LTBP1: variants seen among roughly 807,000 people sequenced by gnomAD.
The protein encoded by LTBP1 is latent-transforming growth factor beta-binding protein 1.
In LTBP1, 129 loss-of-function variants were observed where a neutral mutation model predicts 207.6. The ratio of observed to expected loss-of-function variants is 0.62; its 90% CI spans 0.54 to 0.72. The LOEUF (loss-of-function observed/expected upper bound fraction) is 0.72, where lower values mean the gene tolerates loss of function less well. Among genes scored for constraint, LTBP1 ranks in the 30% least tolerant of loss-of-function variants. LTBP1 has a pLI of 0.00. For missense variants in LTBP1, 2,281 were observed against 2,217.2 expected (o/e 1.03, Z -0.58); for synonymous variants, 963 against 833.7 (o/e 1.16, Z -2.67).
intron 6 of LTBP1, among the ~76,000 whole-genome samples, chr2:33,187,420 C>G (rs1439940817): frequency 6.6e-6 from 1 of 152,198 alleles, no homozygotes. Context: ...CTGGCCCTTA[C>G]AGCATTAATA....
At chr2:33,184,623 T>A (rs2148766641) in intron 5 of LTBP1, among the ~76,000 whole-genome samples, 2 of 152,328 alleles carry the variant, frequency 1.3e-5, no homozygotes, top group East Asian at 3.9e-4. Flanking sequence ...CAGTTACCGC[T>A]TATTTGCTGA....
intron 5 of LTBP1, among the ~76,000 whole-genome samples, chr2:33,175,052 C>T (rs190328445): frequency 6.6e-6 from 1 of 152,258 alleles, no homozygotes; most frequent in Admixed American, 6.5e-5. Context: ...ACCATAGAAA[C>T]CCTAGAAGAA....
chr2:33,101,902 TG>T (rs1419115216), intron 3 of LTBP1, among the ~76,000 whole-genome samples: 2 of 152,208 alleles, frequency 1.3e-5, no homozygotes, highest in Admixed American at 1.3e-4. Flanking sequence ...CGGTGTACTG[TG>T]CTTTTCAGAA....
At chr2:33,366,746 G>A (rs756982876) in intron 31 of LTBP1, among the ~76,000 whole-genome samples, 5 of 152,226 alleles carry the variant, frequency 3.3e-5, no homozygotes, top group Non-Finnish European at 7.3e-5. Context: ...GATGTAGGTA[G>A]AGCAGGGGGT....
chr2:33,262,750 C>G lies in LTBP1; in HGVS notation c.2447C>G (p.Thr816Ser), dbSNP rs943749045. 2 of 1,602,368 alleles carry G rather than the reference C, an allele frequency of 1.2e-6. No homozygotes were observed. Among genetic ancestry groups the G allele is most frequent in the Non-Finnish European group, 1.7e-6 (2 of 1,173,240 alleles). Residue 816 changes from threonine to serine, a missense_variant, in exon 14 of 34, where the codon ACC (threonine) becomes AGC (serine). Coordinates refer to ENST00000404816, the MANE Select transcript of LTBP1 (RefSeq NM_206943.4). ...KEIPSLDQEK[T>S]KLEPGQPQLS... is the part of the protein sequence containing the mutation. ...ATACCTTCATTGGATCAAGAGAAAA[C>G]CAAACTTGAGCCTGGTCAACCCCAG...
chr2:33,075,190 C>G (rs2149794092), intron 3 of LTBP1, among the ~76,000 whole-genome samples: 1 of 152,316 alleles, frequency 6.6e-6, no homozygotes, highest in East Asian at 1.9e-4. Flanking sequence ...ACCTGTAATT[C>G]TAGCTCCTCA....
intron 24 of LTBP1, among the ~76,000 whole-genome samples, chr2:33,323,811 C>G (rs574212780): frequency 6.6e-6 from 1 of 152,296 alleles, no homozygotes; most frequent in Admixed American, 6.5e-5. Context: ...ATGTGATGTA[C>G]ACTTCTGTGA....
At chr2:33,003,191 G>T (rs1392759688) in intron 2 of LTBP1, among the ~76,000 whole-genome samples, 1 of 152,204 alleles carries the variant, frequency 6.6e-6, no homozygotes, top group Non-Finnish European at 1.5e-5. Context: ...CAAAGAGATT[G>T]TGTTTAAACA....
intron 2 of LTBP1, among the ~76,000 whole-genome samples, chr2:33,011,159 G>T (rs902867370): frequency 1.3e-5 from 2 of 152,044 alleles, no homozygotes; most frequent in African/African-American, 4.8e-5. Flanking sequence ...TTATTTTTAG[G>T]GCTTAATCCT....
intron 3 of LTBP1, among the ~76,000 whole-genome samples, chr2:33,084,318 G>A (rs969926224): frequency 4.6e-5 from 7 of 152,094 alleles, no homozygotes; most frequent in African/African-American, 1.7e-4. Context: ...GCCCTTTCTT[G>A]GGGAGACAGG....
intron 5 of LTBP1, among the ~76,000 whole-genome samples, chr2:33,161,791 G>A (rs2084491727): frequency 6.6e-6 from 1 of 152,212 alleles, no homozygotes; most frequent in African/African-American, 2.4e-5. Context: ...AACCTGCATT[G>A]TAGACTATAA....
chr2:33,012,285 G>A (rs1687777386), intron 2 of LTBP1, among the ~76,000 whole-genome samples: 1 of 152,142 alleles, frequency 6.6e-6, no homozygotes, highest in Non-Finnish European at 1.5e-5. Flanking sequence ...GGTGGGGGGG[G>A]CTTCACACTC....
At chr2:33,051,061 G>A (rs918581095) in intron 3 of LTBP1, among the ~76,000 whole-genome samples, 12 of 152,118 alleles carry the variant, frequency 7.9e-5, no homozygotes, top group Admixed American at 7.2e-4. Context: ...AAATGAGCAT[G>A]GTAATTCTTC....
chr2:33,018,923 G>A (rs1688769167), intron 2 of LTBP1, among the ~76,000 whole-genome samples: 1 of 151,908 alleles, frequency 6.6e-6, no homozygotes, highest in African/African-American at 2.4e-5. Flanking sequence ...TGTCAGCTTG[G>A]TATTCTGACA....
At chr2:33,094,126 T>C (rs1352296106) in intron 3 of LTBP1, among the ~76,000 whole-genome samples, 3 of 152,118 alleles carry the variant, frequency 2.0e-5, no homozygotes, top group African/African-American at 7.2e-5. Context: ...GCAGACTATT[T>C]ACAATTTTTT....
At chr2:33,241,698 A>G (rs1341591987) in intron 9 of LTBP1, among the ~76,000 whole-genome samples, 1 of 152,174 alleles carries the variant, frequency 6.6e-6, no homozygotes, top group African/African-American at 2.4e-5. Context: ...GGGGAAATAG[A>G]AGAGTGGAAA....
At chr2:33,226,436 G>C (rs543084561) in intron 9 of LTBP1, among the ~76,000 whole-genome samples, 10 of 152,326 alleles carry the variant, frequency 6.6e-5, no homozygotes, top group African/African-American at 2.4e-4. Flanking sequence ...AGCCAGCAGT[G>C]AAAGAAAGCA....
intron 7 of LTBP1, among the ~76,000 whole-genome samples, chr2:33,200,799 A>G (rs1441033795): frequency 6.6e-6 from 1 of 152,300 alleles, no homozygotes; most frequent in African/African-American, 2.4e-5. Context: ...AAACAACCCC[A>G]TCAAAAAGTG....
At chr2:33,275,551 G>T (rs1230218356) in intron 17 of LTBP1, among the ~76,000 whole-genome samples, 1 of 152,076 alleles carries the variant, frequency 6.6e-6, no homozygotes, top group Non-Finnish European at 1.5e-5. Context: ...AGGCATGGTG[G>T]TGCATGCCTG....
Sources: allele counts gnomAD v4.1 joint callset (sites outside exome capture counted in the v4.1 genomes callset), GRCh38; gene constraint gnomAD v4.1.1; transcripts MANE v1.5; gene names NCBI Gene and HGNC (gene_info 2026-07-23, HGNC 2026-07-21).